Variants in TCF7L2 observed in about 807,000 individuals in gnomAD.
The protein encoded by TCF7L2 is transcription factor 7 like 2, also known as transcription factor 7-like 2.
A neutral mutation model predicts 77.9 loss-of-function variants in TCF7L2; 23 were observed. The observed-to-expected ratio is 0.30, with a 90% CI of 0.21 to 0.42. TCF7L2 has a LOEUF of 0.42. Ranked by LOEUF, TCF7L2 falls within the 10% of genes least tolerant of loss-of-function variation. The pLI is 1.00. For missense variants in TCF7L2, 654 were observed against 793.1 expected, an observed-to-expected ratio of 0.82 and a Z score of 2.11; for synonymous variants, 413 against 340.2, an observed-to-expected ratio of 1.21 and a Z score of -2.36.
intron 5 of TCF7L2, among the ~76,000 whole-genome samples, chr10:113,126,341 C>A (rs939888854): frequency 2.6e-5 from 4 of 152,098 alleles, no homozygotes; most frequent in African/African-American, 9.7e-5. Context: ...CTAAATTCAG[C>A]GAGTTTCCTC....
At chr10:113,159,842 C>CATCT in intron 12 of TCF7L2, 78 bp from the exon 14 acceptor site, 1 of 60,934 alleles carries the variant, frequency 1.6e-5, no homozygotes. Flanking sequence ...CCCCCCCCCC[C>CATCT]CCCTCTTTCT....
At chr10:112,971,220 A>G (rs1057249534) in intron 4 of TCF7L2, among the ~76,000 whole-genome samples, 1 of 152,244 alleles carries the variant, frequency 6.6e-6, no homozygotes, top group Non-Finnish European at 1.5e-5. Context: ...TTTAAATTCT[A>G]GTGATACTGA....
intron 4 of TCF7L2, among the ~76,000 whole-genome samples, chr10:113,009,731 T>G (rs1213932528): frequency 6.6e-6 from 1 of 152,214 alleles, no homozygotes; most frequent in African/African-American, 2.4e-5. Context: ...TCAAATTTGT[T>G]TAGCTTCTCA....
chr10:113,062,406 A>G lies in TCF7L2; in HGVS notation c.552+22280A>G, dbSNP rs76380492. ...TGTTCGCTACGAGGAAATGGACCAC[A>G]TAAGGTTTCCGTGAAAACCTTAGCC... is the stretch of plus-strand genomic sequence containing the variant. On this transcript the variant is annotated intron_variant, in intron 5 of 13. Coordinates refer to ENST00000627217, the MANE Select transcript of TCF7L2 (RefSeq NM_001146274.2). Among the ~76,000 whole-genome samples the G allele has an allele frequency of 4.3e-4, 65 of 152,298 alleles. No homozygotes were observed. The East Asian group carries it at 0.011, about 26-fold the overall frequency.
At chr10:113,078,196 G>C (rs2058932802) in intron 5 of TCF7L2, among the ~76,000 whole-genome samples, 1 of 151,302 alleles carries the variant, frequency 6.6e-6, no homozygotes, top group Non-Finnish European at 1.5e-5. Context: ...TCCTTTTATT[G>C]CAAGTTAAGT....
intron 5 of TCF7L2, among the ~76,000 whole-genome samples, chr10:113,110,311 G>A (rs1024588837): frequency 6.8e-6 from 1 of 147,510 alleles, no homozygotes; most frequent in African/African-American, 2.5e-5. Flanking sequence ...TGTAGAAACT[G>A]TTTAAAGAAT....
intron 4 of TCF7L2, among the ~76,000 whole-genome samples, chr10:113,008,544 C>T (rs1304444175): frequency 6.6e-6 from 1 of 152,220 alleles, no homozygotes; most frequent in Admixed American, 6.5e-5. Flanking sequence ...TAACTGTATA[C>T]TACCTGTGCT....
intron 5 of TCF7L2, among the ~76,000 whole-genome samples, chr10:113,068,811 C>T (rs999813559): frequency 3.9e-5 from 6 of 152,174 alleles, no homozygotes; most frequent in Non-Finnish European, 8.8e-5. Flanking sequence ...AGCTTCTGCG[C>T]ACTCTGAACT....
At chr10:113,094,094 C>T (rs1035723273) in intron 5 of TCF7L2, among the ~76,000 whole-genome samples, 2 of 152,106 alleles carry the variant, frequency 1.3e-5, no homozygotes, top group Non-Finnish European at 2.9e-5. Flanking sequence ...TGCGCGTGCA[C>T]GCGCATGTGT....
intron 5 of TCF7L2, among the ~76,000 whole-genome samples, chr10:113,106,571 T>G (rs1056935951): frequency 2.6e-5 from 4 of 152,194 alleles, no homozygotes; most frequent in African/African-American, 7.2e-5. Flanking sequence ...GGTGTTGATA[T>G]GATGATCAGG....
At chr10:113,153,660 A>T (rs770116840) in intron 11 of TCF7L2, among the ~76,000 whole-genome samples, 1 of 152,158 alleles carries the variant, frequency 6.6e-6, no homozygotes, top group Non-Finnish European at 1.5e-5. Context: ...CCCATCACCC[A>T]TTGGCCAGAG....
chr10:112,993,454 C>T (rs112805646), intron 4 of TCF7L2, among the ~76,000 whole-genome samples: 379 of 150,672 alleles, frequency 2.5e-3, no homozygotes, highest in African/African-American at 8.7e-3. Flanking sequence ...TGCAGTGAGC[C>T]GAGATCACAC....
chr10:113,165,247 G>A (rs552977367), intron 13 of TCF7L2, among the ~76,000 whole-genome samples: 37 of 152,280 alleles, frequency 2.4e-4, no homozygotes, highest in African/African-American at 6.5e-4. Context: ...GCAGGTGGCC[G>A]CCTCCATGCT....
At chr10:113,097,647 A>G (rs12779476) in intron 5 of TCF7L2, among the ~76,000 whole-genome samples, 2,646 of 23,070 alleles carry the variant, frequency 0.11, 69 homozygotes, top group African/African-American at 0.27. Flanking sequence ...CTTGTCTCGG[A>G]AAAAAAAAAA....
chr10:113,065,114 G>A (rs777324888), intron 5 of TCF7L2, among the ~76,000 whole-genome samples: 18 of 152,378 alleles, frequency 1.2e-4, no homozygotes, highest in Non-Finnish European at 1.6e-4. Flanking sequence ...AGCTGGGCCA[G>A]GCAGAGCTCC....
intron 4 of TCF7L2, among the ~76,000 whole-genome samples, chr10:112,970,991 G>C (rs1052357437): frequency 6.6e-6 from 1 of 152,198 alleles, no homozygotes; most frequent in Admixed American, 6.5e-5. Flanking sequence ...TGGATGGCAG[G>C]TAACTTGCTC....
At position 113,167,009 on chromosome 10, in the gene TCF7L2, C is replaced by A. The variant is rs2074069233; in HGVS notation, c.*1037C>A. ...ACCATCTTCGTTTCCCCTTTGAACTCCCAGTGGGATGCCCTACCCTGCGCC... is the reference window on the plus strand; with the variant it reads ...ACCATCTTCGTTTCCCCTTTGAACTACCAGTGGGATGCCCTACCCTGCGCC... On this transcript the variant is annotated 3_prime_UTR_variant, in exon 14 of 14. Coordinates refer to ENST00000627217, the MANE Select transcript of TCF7L2 (RefSeq NM_001146274.2). 3 of 231,576 alleles carry A rather than the reference C, an allele frequency of 1.3e-5. No individual in the cohort carries two copies. The East Asian group carries it at 1.8e-4, about 14-fold the overall frequency. 14.3% of individuals were successfully genotyped at this position (231,576 alleles called of 1,614,324 possible). A position where few individuals can be genotyped will look rare whatever the true frequency, so the allele number is the denominator to read the frequency against.
chr10:113,044,412 C>T (rs960214652), intron 5 of TCF7L2, among the ~76,000 whole-genome samples: 1 of 152,184 alleles, frequency 6.6e-6, no homozygotes, highest in Non-Finnish European at 1.5e-5. Context: ...AGAGAGCACC[C>T]TCTTGGTTAT....
chr10:112,966,177 AATATATTTATAT>A (rs2036741569), intron 4 of TCF7L2, among the ~76,000 whole-genome samples: 1 of 45,126 alleles, frequency 2.2e-5, no homozygotes, highest in African/African-American at 1.3e-4. Flanking sequence ...CTCTGTCTAA[AATATATTTATAT>A]ATATATATAT....
Sources: allele counts gnomAD v4.1 joint callset (sites outside exome capture counted in the v4.1 genomes callset), GRCh38; gene constraint gnomAD v4.1.1; transcripts MANE v1.5; gene names NCBI Gene and HGNC (gene_info 2026-07-23, HGNC 2026-07-21).